Variants in PFDN2 observed in about 807,000 individuals in gnomAD.
PFDN2 encodes the protein prefoldin subunit 2.
A neutral mutation model predicts 18.3 loss-of-function variants in PFDN2; 7 were observed. That is an observed-to-expected ratio of 0.38 (90% CI 0.22 to 0.72). The LOEUF is 0.72. Among genes scored for constraint, PFDN2 ranks in the 30% least tolerant of loss-of-function variants. The pLI, the probability that PFDN2 is intolerant of heterozygous loss-of-function variation, is 0.47. For missense variants in PFDN2, 181 were observed against 199.1 expected (o/e 0.91, Z 0.55); for synonymous variants, 76 against 75.0 (o/e 1.01, Z -0.07).
intron 1 of PFDN2, among the ~76,000 whole-genome samples, chr1:161,115,633 G>C (rs2101708342): frequency 6.6e-6 from 1 of 152,304 alleles, no homozygotes; most frequent in East Asian, 1.9e-4. Flanking sequence ...CAGGAAGGCA[G>C]TTTATCATCT....
At chr1:161,103,968 C>T (rs1654631231) in intron 1 of PFDN2, among the ~76,000 whole-genome samples, 1 of 152,132 alleles carries the variant, frequency 6.6e-6, no homozygotes, top group South Asian at 2.1e-4. Flanking sequence ...ATGTTAGAAT[C>T]ACCTGAATCA....
intron 1 of PFDN2, among the ~76,000 whole-genome samples, chr1:161,115,138 C>A (rs1007699959): frequency 7.9e-5 from 12 of 152,218 alleles, no homozygotes; most frequent in African/African-American, 2.9e-4. Flanking sequence ...TCTTGGCTCA[C>A]TGCAACCTCT....
At chr1:161,115,235 T>C (rs1571189988) in intron 1 of PFDN2, among the ~76,000 whole-genome samples, 1 of 152,176 alleles carries the variant, frequency 6.6e-6, no homozygotes, top group South Asian at 2.1e-4. Flanking sequence ...GGCTAATTTT[T>C]TTATTTTTAG....
At chr1:161,113,645 G>A (rs1654851395) in intron 1 of PFDN2, among the ~76,000 whole-genome samples, 1 of 152,142 alleles carries the variant, frequency 6.6e-6, no homozygotes, top group Admixed American at 6.6e-5. Flanking sequence ...GCTGGGCAGG[G>A]TGGCACACGC....
At chr1:161,105,486 C>T (rs933006467) in intron 1 of PFDN2, among the ~76,000 whole-genome samples, 3 of 151,860 alleles carry the variant, frequency 2.0e-5, no homozygotes, top group African/African-American at 7.3e-5. Flanking sequence ...TGAGAGGAGT[C>T]TTGCTCTGTC....
At chr1:161,106,678 C>T (rs138441242) in intron 1 of PFDN2, among the ~76,000 whole-genome samples, 2 of 152,276 alleles carry the variant, frequency 1.3e-5, no homozygotes, top group African/African-American at 4.8e-5. Flanking sequence ...TCATCTGTTG[C>T]CCAGATGGAG....
intron 1 of PFDN2, among the ~76,000 whole-genome samples, chr1:161,103,683 CAAAAAAAAAAAAAAAAAAAA>C (rs553472563): frequency 1.3e-5 from 1 of 74,914 alleles, no homozygotes; most frequent in African/African-American, 5.6e-5. Flanking sequence ...GACTCCGTCT[CAAAAAAAAAAAAAAAAAAAA>C]AAAAAAAAAA....
chr1:161,110,841 G>A (rs1296539057), intron 1 of PFDN2, among the ~76,000 whole-genome samples: 2 of 118,246 alleles, frequency 1.7e-5, no homozygotes, highest in South Asian at 2.8e-4. Context: ...TTTTTGTAGA[G>A]ACTTTTTTTT....
intron 1 of PFDN2, among the ~76,000 whole-genome samples, chr1:161,109,862 C>A (rs1654766816): frequency 6.6e-6 from 1 of 152,066 alleles, no homozygotes; most frequent in African/African-American, 2.4e-5. Flanking sequence ...TCAGCCTGGC[C>A]AACACGGTGA....
chr1:161,115,754 C>T (rs984644965), intron 1 of PFDN2, among the ~76,000 whole-genome samples: 1 of 152,142 alleles, frequency 6.6e-6, no homozygotes, highest in Non-Finnish European at 1.5e-5. Context: ...AGTTACTGCA[C>T]CTATTATATA....
chr1:161,114,835 C>A (rs1305523226), intron 1 of PFDN2, among the ~76,000 whole-genome samples: 1 of 152,180 alleles, frequency 6.6e-6, no homozygotes, highest in Non-Finnish European at 1.5e-5. Flanking sequence ...CCTACCCCCA[C>A]AATCCTACAA....
At chr1:161,103,683 CAAAAAAAAAAAAAA>C (rs553472563) in intron 1 of PFDN2, among the ~76,000 whole-genome samples, 23,894 of 76,392 alleles carry the variant, frequency 0.31, 2,834 homozygotes, top group East Asian at 0.46. Context: ...GACTCCGTCT[CAAAAAAAAAAAAAA>C]AAAAAAAAAA....
At chr1:161,108,322 G>A (rs1472672857) in intron 1 of PFDN2, among the ~76,000 whole-genome samples, 1 of 151,710 alleles carries the variant, frequency 6.6e-6, no homozygotes, top group Non-Finnish European at 1.5e-5. Context: ...ACTGGGTATG[G>A]TGGCACATGT....
chr1:161,109,091 G>A (rs947388733), intron 1 of PFDN2, among the ~76,000 whole-genome samples: 4 of 152,118 alleles, frequency 2.6e-5, no homozygotes, highest in African/African-American at 4.8e-5. Context: ...TATAAAGACC[G>A]GGTTCCAGTT....
At chr1:161,117,890 C>CAA in intron 1 of PFDN2, 62 bp downstream of exon 1, 2 of 1,394,750 alleles carry the variant, frequency 1.4e-6, no homozygotes, top group South Asian at 2.6e-5. Context: ...CCACAGGCTC[C>CAA]CCCTTCTCGC....
chr1:161,103,751 C>T (rs1273592113), intron 1 of PFDN2, among the ~76,000 whole-genome samples: 3 of 141,054 alleles, frequency 2.1e-5, no homozygotes, highest in Non-Finnish European at 4.6e-5. Context: ...AGCCTATAAA[C>T]CCTAACTGAT....
At chr1:161,109,876 C>T (rs1474256328) in intron 1 of PFDN2, among the ~76,000 whole-genome samples, 2 of 152,018 alleles carry the variant, frequency 1.3e-5, no homozygotes, top group African/African-American at 4.8e-5. Flanking sequence ...ACGGTGAAAC[C>T]CCATCCCTAA....
intron 3 of PFDN2, 95 bp downstream of exon 3, chr1:161,101,953 G>C (rs1654571835): frequency 2.3e-6 from 3 of 1,318,520 alleles, no homozygotes; most frequent in Non-Finnish European, 3.2e-6. Context: ...GGCTGGTCTC[G>C]AACTCCCGGA....
At chr1:161,104,547 T>A (rs770814891) in intron 1 of PFDN2, among the ~76,000 whole-genome samples, 2 of 151,790 alleles carry the variant, frequency 1.3e-5, no homozygotes, top group African/African-American at 2.4e-5. Context: ...TGGGCTCTAG[T>A]GATCTTCCTG....
Sources: gnomAD v4.1 joint callset for allele counts (sites outside exome capture counted in the v4.1 genomes callset) on GRCh38, gnomAD v4.1.1 for gene constraint, MANE v1.5 for transcripts, NCBI Gene and HGNC (gene_info 2026-07-23, HGNC 2026-07-21) for gene names.